Variants in PTPRG observed in about 807,000 individuals in gnomAD.
The protein encoded by PTPRG is protein tyrosine phosphatase receptor type G.
In PTPRG, 102 loss-of-function variants were observed where a neutral mutation model predicts 165.3. That is an observed-to-expected ratio of 0.62 (90% CI 0.53 to 0.73). The LOEUF is 0.73. PTPRG is among the 30% of genes least tolerant of loss of function. The pLI, the probability that PTPRG is intolerant of heterozygous loss-of-function variation, is 0.00. For missense variants in PTPRG, 1,866 were observed against 1,861.4 expected, an observed-to-expected ratio of 1.00 and a Z score of -0.05; for synonymous variants, 675 against 669.5, an observed-to-expected ratio of 1.01 and a Z score of -0.13.
chr3:62,065,112 G>A (rs531065986), intron 4 of PTPRG, among the ~76,000 whole-genome samples: 25 of 152,200 alleles, frequency 1.6e-4, no homozygotes, highest in African/African-American at 4.3e-4. Context: ...CCAGTGTTAC[G>A]AATGGTATAG....
chr3:61,738,975 T>TG (rs2032875202), intron 1 of PTPRG, among the ~76,000 whole-genome samples: 1 of 61,228 alleles, frequency 1.6e-5, no homozygotes, highest in Non-Finnish European at 3.5e-5. Context: ...CTGTTGCTTT[T>TG]TTTTTTTTTT....
At chr3:61,937,767 T>C (rs1019846929) in intron 2 of PTPRG, among the ~76,000 whole-genome samples, 1 of 152,220 alleles carries the variant, frequency 6.6e-6, no homozygotes, top group Non-Finnish European at 1.5e-5. Context: ...ATCAAACTGC[T>C]GTGCCACTTC....
chr3:61,625,101 A>G lies in PTPRG; in HGVS notation c.85+62729A>G, dbSNP rs996204195. Reference sequence around the variant, plus strand: ...TTCTCTCTTTTCAAGGACATCAGCCATATTCGATTAGGGTCCAACCTAATA... The same window carrying G: ...TTCTCTCTTTTCAAGGACATCAGCCGTATTCGATTAGGGTCCAACCTAATA... On this transcript the variant is annotated intron_variant, in intron 1 of 29. Coordinates refer to ENST00000474889, the MANE Select transcript of PTPRG (RefSeq NM_002841.4). 6.6e-5 allele frequency among the ~76,000 whole-genome samples: 10 copies of G among 151,908 alleles called. No homozygotes were observed. The South Asian group carries it at 1.3e-3, about 19-fold the overall frequency.
intron 2 of PTPRG, among the ~76,000 whole-genome samples, chr3:61,856,299 C>T (rs146512545): frequency 4.3e-4 from 65 of 152,184 alleles, no homozygotes; most frequent in Non-Finnish European, 7.9e-4. Context: ...TGAGCAGTCA[C>T]TCCCCACTTC....
chr3:62,276,878 G>T (rs1490481587), intron 24 of PTPRG, 94 bp from the exon 25 acceptor site: 3 of 897,518 alleles, frequency 3.3e-6, no homozygotes, highest in East Asian at 5.0e-5. Context: ...AAGCCAGGAG[G>T]ATATGTTATT....
chr3:61,677,763 G>A (rs984019434), intron 1 of PTPRG, among the ~76,000 whole-genome samples: 1 of 151,970 alleles, frequency 6.6e-6, no homozygotes, highest in Admixed American at 6.6e-5. Context: ...TTGCTTATTT[G>A]ATATATTTTT....
At chr3:61,579,489 A>C (rs1700235304) in intron 1 of PTPRG, among the ~76,000 whole-genome samples, 1 of 152,224 alleles carries the variant, frequency 6.6e-6, no homozygotes, top group African/African-American at 2.4e-5. Context: ...AAATAAAATA[A>C]CTTCATCTTA....
intron 5 of PTPRG, among the ~76,000 whole-genome samples, chr3:62,081,379 G>A (rs1293177805): frequency 6.6e-6 from 1 of 152,070 alleles, no homozygotes; most frequent in African/African-American, 2.4e-5. Flanking sequence ...AAATCTCCCT[G>A]TTGCCCAGGC....
chr3:61,577,877 C>G (rs566842381), intron 1 of PTPRG, among the ~76,000 whole-genome samples: 1 of 152,302 alleles, frequency 6.6e-6, no homozygotes, highest in East Asian at 1.9e-4. Flanking sequence ...GATACTGCCT[C>G]TGGGATATTC....
rs139284977 is a variant in PTPRG, at chr3:61,972,949, G to C, written c.191-16676G>C. Among the ~76,000 whole-genome samples the C allele has an allele frequency of 1.8e-3, 278 of 151,898 alleles. 1 individual carries two copies. The highest frequency in any genetic ancestry group is 6.5e-3 in the African/African-American group (271 of 41,408). On this transcript the variant is annotated intron_variant, in intron 2 of 29. Transcript: ENST00000474889. ...GTTGGGCTTATAGGCATGCATCTCTGTGCCTGGCCTGGGATTTTTGTGAAT... is the reference window on the plus strand; with the variant it reads ...GTTGGGCTTATAGGCATGCATCTCTCTGCCTGGCCTGGGATTTTTGTGAAT...
At chr3:61,926,612 C>G (rs955596794) in intron 2 of PTPRG, among the ~76,000 whole-genome samples, 1 of 136,182 alleles carries the variant, frequency 7.3e-6, no homozygotes. Context: ...TCCCTCCCTC[C>G]TTCCTTCCTT....
At chr3:62,283,654 T>G (rs1702532061) in intron 28 of PTPRG, among the ~76,000 whole-genome samples, 1 of 152,144 alleles carries the variant, frequency 6.6e-6, no homozygotes, top group African/African-American at 2.4e-5. Flanking sequence ...ATTCATTATG[T>G]TCATTAAATT....
At chr3:62,039,773 C>T (rs116739916) in intron 4 of PTPRG, among the ~76,000 whole-genome samples, 2,120 of 152,274 alleles carry the variant, frequency 0.014, 42 homozygotes, top group African/African-American at 0.049. Context: ...GATTCCTGTC[C>T]GTTGCCAGCA....
chr3:61,881,927 C>A (rs1391289437), intron 2 of PTPRG, among the ~76,000 whole-genome samples: 1 of 152,186 alleles, frequency 6.6e-6, no homozygotes, highest in South Asian at 2.1e-4. Context: ...TCCTGCCCAA[C>A]TCTTTCAGTT....
At chr3:61,990,206 G>A (rs1395677971) in intron 3 of PTPRG, among the ~76,000 whole-genome samples, 1 of 151,658 alleles carries the variant, frequency 6.6e-6, no homozygotes, top group Non-Finnish European at 1.5e-5. Context: ...GTTGTATTAG[G>A]TACATTTCAC....
intron 4 of PTPRG, among the ~76,000 whole-genome samples, chr3:62,069,496 C>A (rs13084153): frequency 1.3e-5 from 2 of 151,936 alleles, no homozygotes; most frequent in African/African-American, 4.8e-5. Flanking sequence ...CAAAGAAGCT[C>A]AAAAAGTAAC....
chr3:61,918,422 A>G (rs1181136719), intron 2 of PTPRG, among the ~76,000 whole-genome samples: 2 of 152,182 alleles, frequency 1.3e-5, no homozygotes, highest in African/African-American at 4.8e-5. Context: ...ATGTGTGTGT[A>G]TGTATTTAAT....
Position 62,281,599 on chromosome 3 carries a change from G to C in PTPRG, c.3802G>C (p.Glu1268Gln), listed in dbSNP as rs978828599. ...DEFVYWPSRE[E>Q]SMNCEAFTVT... ...GTTTGTGTACTGGCCAAGTCGAGAA[G>C]AATCCATGAACTGTGAGGCCTTTAC... The change falls in exon 27 of 30, where the codon GAA becomes CAA. Residue 1268 changes from glutamate to glutamine, a missense_variant. Glu to Gln is a conservative substitution (Grantham distance 29, BLOSUM62 2). Transcript: ENST00000474889. 1 of 1,476,528 alleles carries C rather than the reference G, an allele frequency of 6.8e-7. No homozygotes were observed. Among genetic ancestry groups the C allele is most frequent in the Non-Finnish European group, 9.1e-7 (1 of 1,099,914 alleles). 91.5% of individuals were successfully genotyped at this position (1,476,528 alleles called of 1,614,324 possible). A position where few individuals can be genotyped will look rare whatever the true frequency, so the allele number is the denominator to read the frequency against.
At chr3:61,940,309 A>G (rs2107603965) in intron 2 of PTPRG, among the ~76,000 whole-genome samples, 1 of 152,290 alleles carries the variant, frequency 6.6e-6, no homozygotes, top group East Asian at 1.9e-4. Context: ...TTAACTTTAA[A>G]TGAAAAATAA....
Sources: gnomAD v4.1 joint callset for allele counts (sites outside exome capture counted in the v4.1 genomes callset) on GRCh38, gnomAD v4.1.1 for gene constraint, MANE v1.5 for transcripts, NCBI Gene and HGNC (gene_info 2026-07-23, HGNC 2026-07-21) for gene names.